Variants in TMTC3 observed in about 807,000 individuals in gnomAD.
TMTC3 encodes the protein protein O-mannosyl-transferase TMTC3.
In TMTC3, 52 loss-of-function variants were observed where a neutral mutation model predicts 92.2. That is an observed-to-expected ratio of 0.56 (90% CI 0.45 to 0.71). The LOEUF (loss-of-function observed/expected upper bound fraction) is 0.71. Among genes scored for constraint, TMTC3 ranks in the 30% least tolerant of loss-of-function variants. The pLI is 0.00. For synonymous variants in TMTC3, 339 were observed against 363.3 expected (o/e 0.93, Z 0.76); for missense variants, 896 against 1,057.1 (o/e 0.85, Z 2.11).
At chr12:88,173,477 A>G (rs932195875) in intron 8 of TMTC3, among the ~76,000 whole-genome samples, 8 of 152,058 alleles carry the variant, frequency 5.3e-5, no homozygotes, top group African/African-American at 1.9e-4. Context: ...GCCTCCTAGT[A>G]GCTAAACTAA....
At position 88,184,063 on chromosome 12, in the gene TMTC3, C is replaced by T. The variant is rs1283055048; in HGVS notation, c.1433-4780C>T. Among the ~76,000 whole-genome samples, 3 of 152,056 alleles carry T rather than the reference C, an allele frequency of 2.0e-5. No homozygotes were observed. In the South Asian group the frequency reaches 6.2e-4, roughly 32 times the overall value. ...CCGAGTCTGTCCCACAGACTCTGGC[C>T]GAGTGATGGATGAAAGAAGTACACT... On this transcript the variant is annotated intron_variant, in intron 10 of 13. Transcript: ENST00000266712.
Position 88,167,072 on chromosome 12 carries a change from A to T in TMTC3, c.1050+490A>T, listed in dbSNP as rs562284215. Among the ~76,000 whole-genome samples, 4 of 147,132 alleles carry T rather than the reference A, an allele frequency of 2.7e-5. No individual in the cohort carries two copies. The South Asian group carries it at 8.5e-4, about 31-fold the overall frequency. On this transcript the variant is annotated intron_variant, in intron 7 of 13. Transcript: ENST00000266712. Reference sequence around the variant, plus strand: ...TCTTACCCTGTGTCACTTCATACTCATAAGAGTTATGTTTTCTCTCCCTTT... The same window carrying T: ...TCTTACCCTGTGTCACTTCATACTCTTAAGAGTTATGTTTTCTCTCCCTTT...
Position 88,199,780 on chromosome 12 carries a change from TTCG to T in TMTC3, c.*4134_*4136del, listed in dbSNP as rs1480190675. 2 of 152,244 alleles carry T rather than the reference TTCG, an allele frequency of 1.3e-5. No homozygotes were observed. Among genetic ancestry groups the T allele is most frequent in the Non-Finnish European group, 2.9e-5 (2 of 68,044 alleles). The allele number at this position is 152,244 out of a possible 1,614,324, so 9.4% of individuals were successfully genotyped here. A position where few individuals can be genotyped will look rare whatever the true frequency, so the allele number is the denominator to read the frequency against. ...TGTTCTTTCTTTGTAACTCACTTTC[TTCG>T]TCAACATTTCTGTGACTCAATGGAT... is the stretch of plus-strand genomic sequence containing the variant. On this transcript the variant is annotated 3_prime_UTR_variant, in exon 14 of 14. Coordinates refer to ENST00000266712, the MANE Select transcript of TMTC3 (RefSeq NM_181783.4).
intron 7 of TMTC3, among the ~76,000 whole-genome samples, chr12:88,169,570 G>A (rs1264395436): frequency 6.6e-6 from 1 of 152,074 alleles, no homozygotes; most frequent in African/African-American, 2.4e-5. Context: ...CAGATACCAT[G>A]TTAAGCACTT....
chr12:88,194,523 T>C (rs1172179241), intron 13 of TMTC3, among the ~76,000 whole-genome samples: 3 of 152,202 alleles, frequency 2.0e-5, no homozygotes, highest in African/African-American at 7.2e-5. Flanking sequence ...GCAAATCCCA[T>C]GCTTCTTTTT....
intron 6 of TMTC3, among the ~76,000 whole-genome samples, chr12:88,163,511 G>T (rs2041104421): frequency 6.6e-6 from 1 of 152,164 alleles, no homozygotes; most frequent in Admixed American, 6.5e-5. Context: ...CACAGTTCAA[G>T]AGGCCAGAAA....
At chr12:88,159,055 A>G (rs1467545205) in intron 4 of TMTC3, among the ~76,000 whole-genome samples, 1 of 151,056 alleles carries the variant, frequency 6.6e-6, no homozygotes, top group Non-Finnish European at 1.5e-5. Flanking sequence ...TCTGTCTCAA[A>G]AAAAAAAAAA....
At position 88,196,490 on chromosome 12, in the gene TMTC3, A is replaced by C. The variant is rs997890368; in HGVS notation, c.*841A>C. 1.3e-5 allele frequency: 2 copies of C among 152,052 alleles called. No homozygotes were observed. Among genetic ancestry groups the C allele is most frequent in the Admixed American group, 6.6e-5 (1 of 15,218 alleles). The allele number at this position is 152,052 out of a possible 1,614,324, so 9.4% of individuals were successfully genotyped here. A position where few individuals can be genotyped will look rare whatever the true frequency, so the allele number is the denominator to read the frequency against. On this transcript the variant is annotated 3_prime_UTR_variant, in exon 14 of 14. Coordinates refer to ENST00000266712, the MANE Select transcript of TMTC3 (RefSeq NM_181783.4). Reference sequence around the variant, plus strand: ...CCCAATAACTCTAAACTTTTGAGTTATAACGTAGTAAACTTCTCTTTCATC... The same window carrying C: ...CCCAATAACTCTAAACTTTTGAGTTCTAACGTAGTAAACTTCTCTTTCATC...
chr12:88,181,323 C>G (rs578026905), intron 10 of TMTC3, among the ~76,000 whole-genome samples: 1 of 151,968 alleles, frequency 6.6e-6, no homozygotes, highest in Non-Finnish European at 1.5e-5. Flanking sequence ...TTGCCATAAC[C>G]GATTAGGTTC....
chr12:88,160,229 G>A lies in TMTC3; in HGVS notation c.624G>A (p.Gly208=), dbSNP rs1218820567. The A allele has an allele frequency of 3.4e-6, 5 of 1,491,890 alleles. No individual in the cohort carries two copies. Among genetic ancestry groups the A allele is most frequent in the Non-Finnish European group, 3.6e-6 (4 of 1,119,790 alleles). 92.4% of individuals were successfully genotyped at this position (1,491,890 alleles called of 1,614,324 possible). A position where few individuals can be genotyped will look rare whatever the true frequency, so the allele number is the denominator to read the frequency against. Reference sequence around the variant, plus strand: ...TGTATGAAGTGTTTATTGCCCAGGGGGTAAGCCAAACTATAAATATATAAA... The same window carrying A: ...TGTATGAAGTGTTTATTGCCCAGGGAGTAAGCCAAACTATAAATATATAAA... ...CCVYEVFIAQ[G]YTLPLLCTTA... Residue 208 remains glycine, a splice_region_variant and synonymous_variant, in exon 5 of 14, where the codon GGG becomes GGA. Transcript: ENST00000266712.
chr12:88,159,548 A>G (rs1430054382), intron 4 of TMTC3, among the ~76,000 whole-genome samples: 1 of 151,858 alleles, frequency 6.6e-6, no homozygotes, highest in African/African-American at 2.4e-5. Flanking sequence ...CTGTAGTCCT[A>G]TTTGGGAGGC....
chr12:88,180,231 A>G (rs2041302135), intron 10 of TMTC3, among the ~76,000 whole-genome samples: 4 of 152,188 alleles, frequency 2.6e-5, no homozygotes. Flanking sequence ...GAGTATAATC[A>G]GTAATATTCT....
intron 2 of TMTC3, among the ~76,000 whole-genome samples, chr12:88,149,684 C>T (rs2040917728): frequency 6.6e-6 from 1 of 152,184 alleles, no homozygotes. Context: ...CCTCTTTCCC[C>T]ATTCCCCAAA....
At chr12:88,172,251 G>A (rs1241781381) in intron 7 of TMTC3, among the ~76,000 whole-genome samples, 1 of 151,952 alleles carries the variant, frequency 6.6e-6, no homozygotes, top group Non-Finnish European at 1.5e-5. Flanking sequence ...AATTTAAAAT[G>A]CTGTAATGGT....
chr12:88,180,126 C>G (rs759464535), intron 10 of TMTC3, among the ~76,000 whole-genome samples: 5 of 152,134 alleles, frequency 3.3e-5, no homozygotes, highest in Non-Finnish European at 7.3e-5. Flanking sequence ...TTGAAGAGTA[C>G]AGATGTGTGC....
rs2041529430 is a variant in TMTC3, at chr12:88,197,567, G to C, written c.*1918G>C. ...CAGAAAAGTTAATAGGAAATCTTTT[G>C]TGACAGCAGACTATAATAGAAGTTT... is the stretch of plus-strand genomic sequence containing the variant. On this transcript the variant is annotated 3_prime_UTR_variant, in exon 14 of 14. Coordinates refer to ENST00000266712, the MANE Select transcript of TMTC3 (RefSeq NM_181783.4). 6.6e-6 allele frequency: 1 copy of C among 152,122 alleles called. No homozygotes were observed. The highest frequency in any genetic ancestry group is 2.4e-5 in the African/African-American group (1 of 41,374). The allele number at this position is 152,122 out of a possible 1,614,324, so 9.4% of individuals were successfully genotyped here.
chr12:88,161,792 C>T (rs564212565), intron 6 of TMTC3, among the ~76,000 whole-genome samples: 17 of 150,262 alleles, frequency 1.1e-4, no homozygotes, highest in East Asian at 3.9e-4. Flanking sequence ...ATTCTAATTT[C>T]GAATATATAT....
intron 10 of TMTC3, among the ~76,000 whole-genome samples, chr12:88,181,936 C>T (rs561271136): frequency 6.6e-6 from 1 of 152,210 alleles, no homozygotes; most frequent in East Asian, 1.9e-4. Flanking sequence ...TACAGGAGTA[C>T]GAGAAAAGAA....
In TMTC3 at chr12:88,184,566, G is replaced by T. The variant is rs144703118; in HGVS notation, c.1433-4277G>T. Among the ~76,000 whole-genome samples, 624 of 152,308 alleles carry T rather than the reference G, an allele frequency of 4.1e-3. 6 individuals are homozygous for T. Among genetic ancestry groups the T allele is most frequent in the African/African-American group, 0.014 (591 of 41,572 alleles). On this transcript the variant is annotated intron_variant, in intron 10 of 13. Coordinates refer to ENST00000266712, the MANE Select transcript of TMTC3 (RefSeq NM_181783.4). ...AGGTGGCAAAAAAGTGATGTATAAT[G>T]CAGGGAAGAAGGCTGAAAGAGAATG...
Sources: allele counts gnomAD v4.1 joint callset (sites outside exome capture counted in the v4.1 genomes callset), GRCh38; gene constraint gnomAD v4.1.1; transcripts MANE v1.5; gene names NCBI Gene and HGNC (gene_info 2026-07-23, HGNC 2026-07-21).